Variants in TSPAN19 observed in about 807,000 individuals in gnomAD.
TSPAN19 encodes the protein tetraspanin 19, also known as tetraspanin-19.
A neutral mutation model predicts 35.1 loss-of-function variants in TSPAN19; 44 were observed. The observed-to-expected ratio is 1.25, with a 90% CI of 0.98 to 1.61. The LOEUF (loss-of-function observed/expected upper bound fraction) is 1.61, where lower values mean the gene tolerates loss of function less well. Among genes scored for constraint, TSPAN19 ranks in the 40% most tolerant of loss-of-function variants. TSPAN19 has a pLI of 0.00. For synonymous variants in TSPAN19, 79 were observed against 92.0 expected (o/e 0.86, Z 0.81); for missense variants, 290 against 280.0 (o/e 1.04, Z -0.26).
intron 3 of TSPAN19, among the ~76,000 whole-genome samples, chr12:85,028,354 A>C (rs1877523585): frequency 6.6e-6 from 1 of 152,194 alleles, no homozygotes; most frequent in Non-Finnish European, 1.5e-5. Flanking sequence ...TCAAACATTC[A>C]TGTATTCATT....
At chr12:85,020,931 C>T (rs2135799323) in intron 5 of TSPAN19, among the ~76,000 whole-genome samples, 1 of 151,962 alleles carries the variant, frequency 6.6e-6, no homozygotes, top group Non-Finnish European at 1.5e-5. Flanking sequence ...AGCCAAGAGC[C>T]TTGTGATGAA....
At chr12:85,035,671 G>T (rs201495988) in intron 1 of TSPAN19, among the ~76,000 whole-genome samples, 1 of 93,696 alleles carries the variant, frequency 1.1e-5, no homozygotes, top group Non-Finnish European at 2.8e-5. Flanking sequence ...GAAAATTAAA[G>T]TAAAAAATAT....
At chr12:85,030,012 AC>A (rs1325495673) in intron 1 of TSPAN19, 39 bp from the exon 2 acceptor site, 2 of 1,310,148 alleles carry the variant, frequency 1.5e-6, no homozygotes, top group African/African-American at 3.1e-5. Flanking sequence ...ATTCTACACA[AC>A]AACTTTAAAT....
chr12:85,034,040 G>T (rs547857462), intron 1 of TSPAN19, among the ~76,000 whole-genome samples: 1 of 152,226 alleles, frequency 6.6e-6, no homozygotes, highest in African/African-American at 2.4e-5. Flanking sequence ...TCATTTTTCT[G>T]TGAAGTGGTT....
chr12:85,015,621 G>GAT (rs1056951487), intron 8 of TSPAN19: 2 of 222,876 alleles, frequency 9.0e-6, no homozygotes, highest in African/African-American at 2.3e-5. Context: ...TCTATTTATA[G>GAT]ATATATATAG....
intron 7 of TSPAN19, 59 bp downstream of exon 7, chr12:85,017,396 CT>C (rs766517779): frequency 7.4e-4 from 1,082 of 1,467,590 alleles, no homozygotes; most frequent in Non-Finnish European, 9.5e-4. Context: ...TCTAAATTGA[CT>C]TGCAAAATAA....
At chr12:85,033,500 G>A (rs1246242873) in intron 1 of TSPAN19, among the ~76,000 whole-genome samples, 1 of 152,042 alleles carries the variant, frequency 6.6e-6, no homozygotes, top group African/African-American at 2.4e-5. Context: ...GTAGGAAGTA[G>A]AATTGCCAGC....
At chr12:85,029,346 G>A (rs1005772375) in intron 3 of TSPAN19, among the ~76,000 whole-genome samples, 4 of 151,974 alleles carry the variant, frequency 2.6e-5, no homozygotes, top group African/African-American at 7.3e-5. Context: ...ATATTCATGG[G>A]TGTTGTTTTG....
chr12:85,035,552 T>C (rs1877942712), intron 1 of TSPAN19, among the ~76,000 whole-genome samples: 1 of 152,160 alleles, frequency 6.6e-6, no homozygotes, highest in Non-Finnish European at 1.5e-5. Context: ...CTATTTTTTT[T>C]CCAGAGGCTC....
chr12:85,019,547 C>T (rs1877000196), intron 6 of TSPAN19, 79 bp downstream of exon 6: 21 of 871,906 alleles, frequency 2.4e-5, no homozygotes, highest in South Asian at 2.1e-4. Flanking sequence ...TCTGCCCCAT[C>T]CCCTGCCCTG....
At chr12:85,021,291 A>T (rs1233153459) in intron 5 of TSPAN19, among the ~76,000 whole-genome samples, 3 of 152,044 alleles carry the variant, frequency 2.0e-5, no homozygotes, top group Non-Finnish European at 4.4e-5. Context: ...CTTTGACAAT[A>T]AAAACTAAGT....
chr12:85,027,147 A>T (rs1256544696), intron 4 of TSPAN19, among the ~76,000 whole-genome samples: 1 of 152,184 alleles, frequency 6.6e-6, no homozygotes, highest in Non-Finnish European at 1.5e-5. Flanking sequence ...TTCACGTTAC[A>T]AGCCTCGAGA....
chr12:85,016,095 T>C (rs1876778588), intron 7 of TSPAN19, 124 bp from the exon 8 acceptor site: 1 of 567,840 alleles, frequency 1.8e-6, no homozygotes, highest in South Asian at 3.4e-5. Context: ...TAAGTCAATA[T>C]CTAATTGGCG....
At chr12:85,027,344 A>G (rs931665409) in intron 4 of TSPAN19, among the ~76,000 whole-genome samples, 3 of 152,168 alleles carry the variant, frequency 2.0e-5, no homozygotes, top group South Asian at 4.1e-4. Context: ...ATGCTCACTC[A>G]TTAGCTGGGT....
At chr12:85,021,963 A>G (rs1274109267) in intron 5 of TSPAN19, among the ~76,000 whole-genome samples, 1 of 152,156 alleles carries the variant, frequency 6.6e-6, no homozygotes, top group East Asian at 1.9e-4. Flanking sequence ...AGTCTCTGGC[A>G]CATGGTAGTT....
intron 5 of TSPAN19, among the ~76,000 whole-genome samples, chr12:85,020,058 T>C (rs552319105): frequency 6.6e-6 from 1 of 152,076 alleles, no homozygotes; most frequent in African/African-American, 2.4e-5. Flanking sequence ...GTATTTTATA[T>C]AAGCCAAAAA....
chr12:85,028,488 G>C (rs1000691746), intron 3 of TSPAN19, among the ~76,000 whole-genome samples: 7 of 152,132 alleles, frequency 4.6e-5, no homozygotes, highest in Admixed American at 2.0e-4. Context: ...TGAGCCCTCA[G>C]TGCTAGAGAT....
intron 1 of TSPAN19, 102 bp from the exon 2 acceptor site, chr12:85,030,075 T>C: frequency 1.0e-6 from 1 of 962,848 alleles, no homozygotes; most frequent in Non-Finnish European, 1.4e-6. Context: ...TCAAATCAAT[T>C]ATCAGTATAA....
intron 5 of TSPAN19, among the ~76,000 whole-genome samples, chr12:85,021,458 A>C (rs948975660): frequency 1.3e-5 from 2 of 152,062 alleles, no homozygotes; most frequent in African/African-American, 4.8e-5. Flanking sequence ...ATTTAGAATA[A>C]ATAAGATATA....
Sources: allele counts gnomAD v4.1 joint callset (sites outside exome capture counted in the v4.1 genomes callset), GRCh38; gene constraint gnomAD v4.1.1; transcripts MANE v1.5; gene names NCBI Gene and HGNC (gene_info 2026-07-23, HGNC 2026-07-21).